RNF150: variants seen among roughly 807,000 people sequenced by gnomAD.
The protein encoded by RNF150 is ring finger protein 150.
In RNF150, 24 loss-of-function variants were observed where a neutral mutation model predicts 39.3. That is an observed-to-expected ratio of 0.61 (90% CI 0.44 to 0.86). The LOEUF (loss-of-function observed/expected upper bound fraction) is 0.86. Among genes scored for constraint, RNF150 ranks in the 40% least tolerant of loss-of-function variants. The pLI is 0.00. For missense variants in RNF150, 502 were observed against 587.8 expected (o/e 0.85, Z 1.51); for synonymous variants, 255 against 227.3 (o/e 1.12, Z -1.10).
intron 1 of RNF150, among the ~76,000 whole-genome samples, chr4:140,981,593 C>T (rs773771572): frequency 7.2e-5 from 11 of 152,020 alleles, no homozygotes; most frequent in African/African-American, 9.7e-5. Flanking sequence ...GACATACCAT[C>T]GATACAGAGA....
chr4:140,917,035 G>C (rs1379629175), intron 5 of RNF150, among the ~76,000 whole-genome samples: 2 of 152,146 alleles, frequency 1.3e-5, no homozygotes, highest in African/African-American at 4.8e-5. Flanking sequence ...AAGAGCTCCT[G>C]AAGGAAGCAC....
At chr4:140,887,164 C>T (rs1409167766) in intron 6 of RNF150, among the ~76,000 whole-genome samples, 1 of 152,068 alleles carries the variant, frequency 6.6e-6, no homozygotes, top group Admixed American at 6.5e-5. Flanking sequence ...GCTAAATTAC[C>T]ACAGCTCTAT....
At chr4:141,030,372 C>T (rs1169322807) in intron 1 of RNF150, among the ~76,000 whole-genome samples, 1 of 151,770 alleles carries the variant, frequency 6.6e-6, no homozygotes, top group African/African-American at 2.4e-5. Context: ...ATTGTACAGC[C>T]ATTATGGAAA....
chr4:141,161,611 AC>A (rs1333583140), intron 1 of RNF150, among the ~76,000 whole-genome samples: 2 of 152,174 alleles, frequency 1.3e-5, no homozygotes, highest in African/African-American at 2.4e-5. Context: ...TTTTGTCGCA[AC>A]CCCTCCCACC....
chr4:141,211,822 T>C (rs939279143), intron 1 of RNF150, among the ~76,000 whole-genome samples: 2 of 152,186 alleles, frequency 1.3e-5, no homozygotes, highest in Non-Finnish European at 2.9e-5. Flanking sequence ...TAATCTTTAC[T>C]GTCAATATTT....
chr4:141,056,473 G>A (rs557321006), intron 1 of RNF150, among the ~76,000 whole-genome samples: 1 of 152,228 alleles, frequency 6.6e-6, no homozygotes, highest in South Asian at 2.1e-4. Context: ...GGGCAGGGGT[G>A]TGGGCTGGTG....
At chr4:141,044,431 T>C (rs1182641894) in intron 1 of RNF150, among the ~76,000 whole-genome samples, 4 of 152,160 alleles carry the variant, frequency 2.6e-5, no homozygotes, top group Non-Finnish European at 5.9e-5. Context: ...ATCCTGGAAA[T>C]GGAGAAATAG....
At chr4:141,119,299 T>C (rs371826483) in intron 1 of RNF150, among the ~76,000 whole-genome samples, 1 of 152,232 alleles carries the variant, frequency 6.6e-6, no homozygotes, top group Non-Finnish European at 1.5e-5. Flanking sequence ...TTTTAAATTC[T>C]TCATTCTTCT....
At chr4:140,934,572 T>G (rs1731765602) in intron 4 of RNF150, among the ~76,000 whole-genome samples, 1 of 152,134 alleles carries the variant, frequency 6.6e-6, no homozygotes, top group African/African-American at 2.4e-5. Context: ...GAAAGTAATA[T>G]CCAGAAAACA....
chr4:141,128,601 C>T (rs897926295), intron 1 of RNF150, among the ~76,000 whole-genome samples: 7 of 152,204 alleles, frequency 4.6e-5, no homozygotes, highest in African/African-American at 2.4e-5. Flanking sequence ...GCTTTTACTA[C>T]TTGGAAGATG....
In RNF150 at chr4:141,129,581, G is replaced by T. The variant is rs184947878; in HGVS notation, c.484+2744C>A. 1.3e-3 allele frequency among the ~76,000 whole-genome samples: 201 copies of T among 152,276 alleles called. 1 individual carries two copies. Among genetic ancestry groups the T allele is most frequent in the African/African-American group, 4.5e-3 (187 of 41,564 alleles). On this transcript the variant is annotated intron_variant, in intron 1 of 6. Transcript: ENST00000515673. ...TCAATACACTAAAAGCCATTGAAAT[G>T]CATACTTTAAATGAGTGAACTGCAG...
At chr4:141,066,966 C>T (rs1737485989) in intron 1 of RNF150, among the ~76,000 whole-genome samples, 3 of 152,128 alleles carry the variant, frequency 2.0e-5, no homozygotes, top group African/African-American at 4.8e-5. Flanking sequence ...CCTAGACTAC[C>T]AACCTGTATA....
At chr4:140,870,582 C>T (rs1040471758) in intron 6 of RNF150, among the ~76,000 whole-genome samples, 1 of 152,004 alleles carries the variant, frequency 6.6e-6, no homozygotes, top group Non-Finnish European at 1.5e-5. Context: ...TTCTCCCTTT[C>T]CCCATGCCTG....
At chr4:141,204,306 T>A (rs1382456925) in intron 1 of RNF150, among the ~76,000 whole-genome samples, 1 of 152,134 alleles carries the variant, frequency 6.6e-6, no homozygotes, top group Non-Finnish European at 1.5e-5. Context: ...GTTGTCATAA[T>A]CTATTGGAAG....
At chr4:141,173,267 G>T (rs1727760510) in intron 1 of RNF150, among the ~76,000 whole-genome samples, 1 of 152,090 alleles carries the variant, frequency 6.6e-6, no homozygotes, top group Non-Finnish European at 1.5e-5. Context: ...GTTACATTCA[G>T]AACAGTAGCT....
chr4:140,960,582 G>A (rs944359393), intron 2 of RNF150, among the ~76,000 whole-genome samples: 3 of 152,152 alleles, frequency 2.0e-5, no homozygotes, highest in Non-Finnish European at 4.4e-5. Context: ...CTCTAGGGAG[G>A]GAAGAGGGGC....
intron 6 of RNF150, among the ~76,000 whole-genome samples, chr4:140,883,172 T>A (rs895723049): frequency 3.3e-5 from 5 of 152,196 alleles, no homozygotes; most frequent in African/African-American, 1.2e-4. Context: ...CTCTTATATA[T>A]TCCCTTCTAC....
At chr4:140,875,750 A>C (rs1351106988) in intron 6 of RNF150, among the ~76,000 whole-genome samples, 1 of 152,116 alleles carries the variant, frequency 6.6e-6, no homozygotes, top group Non-Finnish European at 1.5e-5. Flanking sequence ...TTTGGTTTAC[A>C]TTCCACTAGC....
intron 1 of RNF150, among the ~76,000 whole-genome samples, chr4:141,101,146 A>C (rs1376298320): frequency 6.6e-6 from 1 of 152,214 alleles, no homozygotes; most frequent in Non-Finnish European, 1.5e-5. Flanking sequence ...TGTCTTCAAT[A>C]ATAAATTAAC....
Sources: allele counts gnomAD v4.1 joint callset (sites outside exome capture counted in the v4.1 genomes callset), GRCh38; gene constraint gnomAD v4.1.1; transcripts MANE v1.5; gene names NCBI Gene and HGNC (gene_info 2026-07-23, HGNC 2026-07-21).